The following PTAFR variants were observed in gnomAD, a reference collection of about 807,000 sequenced individuals.
The protein encoded by PTAFR is platelet activating factor receptor.
PTAFR carries 8 observed loss-of-function variants against 14.7 expected under a neutral mutation model. The observed-to-expected ratio is 0.54, with a 90% CI of 0.32 to 0.98. PTAFR has a LOEUF of 0.98. Ranked by LOEUF, PTAFR falls within the 50% of genes least tolerant of loss-of-function variation. The pLI is 0.04. For synonymous variants in PTAFR, 156 were observed against 176.5 expected (o/e 0.88, Z 0.92); for missense variants, 337 against 451.2 (o/e 0.75, Z 2.29).
chr1:28,175,159 G>A (rs143070511), intron 1 of PTAFR, among the ~76,000 whole-genome samples: 9 of 152,144 alleles, frequency 5.9e-5, no homozygotes, highest in East Asian at 1.9e-4. Context: ...TGATCTACCC[G>A]CCTCGGCCTC....
chr1:28,190,879 C>A (rs191996696), intron 1 of PTAFR, among the ~76,000 whole-genome samples: 1 of 152,196 alleles, frequency 6.6e-6, no homozygotes, highest in Non-Finnish European at 1.5e-5. Flanking sequence ...AATCTCACCT[C>A]TGCCACTTCA....
At chr1:28,185,162 AC>A (rs768651569) in intron 1 of PTAFR, among the ~76,000 whole-genome samples, 8 of 152,030 alleles carry the variant, frequency 5.3e-5, no homozygotes, top group Non-Finnish European at 7.4e-5. Context: ...TTATTTATTT[AC>A]TTTGCTCATT....
intron 1 of PTAFR, among the ~76,000 whole-genome samples, chr1:28,168,786 A>G (rs991378580): frequency 6.6e-6 from 1 of 152,090 alleles, no homozygotes; most frequent in African/African-American, 2.4e-5. Flanking sequence ...CTCCTGCCTC[A>G]GCCTCCCGAG....
chr1:28,187,859 G>A (rs1646619603), intron 1 of PTAFR, among the ~76,000 whole-genome samples: 1 of 152,132 alleles, frequency 6.6e-6, no homozygotes, highest in Non-Finnish European at 1.5e-5. Context: ...ATAGAAATGT[G>A]AAAACTGTAC....
chr1:28,180,644 G>A (rs1313087180), upstream of PTAFR, among the ~76,000 whole-genome samples: 1 of 152,158 alleles, frequency 6.6e-6, no homozygotes, highest in Non-Finnish European at 1.5e-5. Flanking sequence ...GGAGAAAGCA[G>A]AAGATATCCA....
intron 1 of PTAFR, among the ~76,000 whole-genome samples, chr1:28,175,023 T>G (rs557992980): frequency 1.4e-3 from 214 of 152,152 alleles, no homozygotes; most frequent in African/African-American, 4.7e-3. Context: ...GCCTCCCAGG[T>G]TCAAGCAATT....
At chr1:28,160,427 T>C (rs2148996211) in intron 1 of PTAFR, among the ~76,000 whole-genome samples, 1 of 146,958 alleles carries the variant, frequency 6.8e-6, no homozygotes, top group African/African-American at 2.5e-5. Context: ...GAAGACCAGG[T>C]GTGGTGGCTC....
intron 1 of PTAFR, among the ~76,000 whole-genome samples, chr1:28,186,690 T>TCA (rs1451724374): frequency 1.3e-5 from 2 of 152,132 alleles, no homozygotes; most frequent in Non-Finnish European, 2.9e-5. Flanking sequence ...TTTGGTAGGC[T>TCA]GAGGCAGGCG....
chr1:28,178,786 C>T (rs1646539577), upstream of PTAFR, among the ~76,000 whole-genome samples: 2 of 152,112 alleles, frequency 1.3e-5, no homozygotes, highest in East Asian at 1.9e-4. Context: ...CTCACTCACA[C>T]CTGCCAGGCT....
chr1:28,167,195 A>G (rs1646395096), intron 1 of PTAFR, among the ~76,000 whole-genome samples: 1 of 152,160 alleles, frequency 6.6e-6, no homozygotes, highest in African/African-American at 2.4e-5. Flanking sequence ...AGAAAAGGCA[A>G]CCTTTCGGAT....
intron 1 of PTAFR, among the ~76,000 whole-genome samples, chr1:28,157,790 G>A (rs1195046936): frequency 6.6e-6 from 1 of 151,682 alleles, no homozygotes; most frequent in East Asian, 1.9e-4. Flanking sequence ...CACGACGCCC[G>A]GCTAATTTTT....
In PTAFR at chr1:28,149,790, G is replaced by A. The variant is rs1646157092; in HGVS notation, c.*203C>T. The A allele has an allele frequency of 1.6e-6, 1 of 621,456 alleles. No individual in the cohort carries two copies. The highest frequency in any genetic ancestry group is 1.8e-5 in the African/African-American group (1 of 54,232). The allele number at this position is 621,456 out of a possible 1,614,324, so 38.5% of individuals were successfully genotyped here. A position where few individuals can be genotyped will look rare whatever the true frequency, so the allele number is the denominator to read the frequency against. ...CAGTTACTGTAGTATGCGCCCACAGGCGGATGAAGGGGCTCATTTGAGTTC... is the reference window on the plus strand; with the variant it reads ...CAGTTACTGTAGTATGCGCCCACAGACGGATGAAGGGGCTCATTTGAGTTC... On this transcript the variant is annotated 3_prime_UTR_variant, in exon 2 of 2. Coordinates refer to ENST00000373857, the MANE Select transcript of PTAFR (RefSeq NM_000952.5).
At chr1:28,176,747 AG>A, upstream of PTAFR, 1 of 153,122 alleles carries the variant, frequency 6.5e-6, no homozygotes, top group South Asian at 2.1e-4. Flanking sequence ...CTGTGGCCCT[AG>A]GGCCTCTCAA....
At chr1:28,185,410 G>A (rs1440652644) in intron 1 of PTAFR, among the ~76,000 whole-genome samples, 1 of 152,166 alleles carries the variant, frequency 6.6e-6, no homozygotes, top group Non-Finnish European at 1.5e-5. Flanking sequence ...AGTTCTTTCT[G>A]CTCTCAAAAC....
At chr1:28,175,051 C>T (rs547641937) in intron 1 of PTAFR, among the ~76,000 whole-genome samples, 143 of 152,232 alleles carry the variant, frequency 9.4e-4, no homozygotes, top group Non-Finnish European at 1.6e-3. Context: ...CTCAGCCTCC[C>T]GAGTAGCACC....
At position 28,150,344 on chromosome 1, in the gene PTAFR, G is replaced by A. The variant is rs759849278; in HGVS notation, c.678C>T (p.Val226=). Residue 226 remains valine (V), a synonymous_variant, in exon 2 of 2, where the codon GTC becomes GTT. Coordinates refer to ENST00000373857, the MANE Select transcript of PTAFR (RefSeq NM_000952.5). The surrounding 1 kb of genome is among the most constrained non-coding windows in gnomAD (Gnocchi z 6.3). ...QPVQQQRNAE[V]KRRALWMVCT... The stretch of plus-strand genomic sequence containing the variant: ...ACACCATCCACAGCGCCCGGCGCTT[G>A]ACTTCAGCGTTGCGCTGCTGCTGCA... 7 of 1,614,082 alleles carry A rather than the reference G, an allele frequency of 4.3e-6. No individual in the cohort carries two copies. The highest frequency in any genetic ancestry group is 2.2e-5 in the South Asian group (2 of 91,056).
Position 28,191,922 on chromosome 1 carries a change from C to G in PTAFR, c.-39+1800G>C, listed in dbSNP as rs559315737. ...CTCTACAAAAAAATATAAAAATTAGCTGGTCATGGTGGTGCATGCCTGTGG... is the reference window on the plus strand; with the variant it reads ...CTCTACAAAAAAATATAAAAATTAGGTGGTCATGGTGGTGCATGCCTGTGG... On this transcript the variant is annotated intron_variant, in intron 1 of 1. Transcript: ENST00000305392. Among the ~76,000 whole-genome samples the G allele has an allele frequency of 1.8e-4, 28 of 151,972 alleles. No homozygotes were observed. In the South Asian group the frequency reaches 5.6e-3, roughly 30 times the overall value.
chr1:28,157,091 A>G (rs1416342484), intron 1 of PTAFR, among the ~76,000 whole-genome samples: 2 of 152,220 alleles, frequency 1.3e-5, no homozygotes, highest in African/African-American at 4.8e-5. Flanking sequence ...ACTGGTTGCA[A>G]AATTTAAGAA....
intron 1 of PTAFR, among the ~76,000 whole-genome samples, chr1:28,169,356 T>C (rs182249780): frequency 2.0e-5 from 3 of 152,344 alleles, no homozygotes; most frequent in African/African-American, 7.2e-5. Context: ...CATTGTGTAT[T>C]TTTAAGTTAG....
Sources: gnomAD v4.1 joint callset for allele counts (sites outside exome capture counted in the v4.1 genomes callset) on GRCh38, gnomAD v4.1.1 for gene constraint, Gnocchi (gnomAD v3.1) non-coding constraint, MANE v1.5 for transcripts, NCBI Gene and HGNC (gene_info 2026-07-23, HGNC 2026-07-21) for gene names.